Variants in HS1BP3 observed in about 807,000 individuals in gnomAD.
HS1BP3 encodes HCLS1 binding protein 3, also known as HCLS1-binding protein 3.
A neutral mutation model predicts 33.5 loss-of-function variants in HS1BP3; 32 were observed. The ratio of observed to expected loss-of-function variants is 0.95; its 90% CI spans 0.72 to 1.28. HS1BP3 has a LOEUF of 1.28. Ranked by LOEUF, HS1BP3 falls within the 50% of genes most tolerant of loss-of-function variation. HS1BP3 has a pLI of 0.00. For missense variants in HS1BP3, 486 were observed against 502.3 expected, an observed-to-expected ratio of 0.97 and a Z score of 0.31; for synonymous variants, 187 against 209.2, an observed-to-expected ratio of 0.89 and a Z score of 0.92.
intron 5 of HS1BP3, among the ~76,000 whole-genome samples, chr2:20,576,029 C>T (rs533763628): frequency 1.3e-5 from 2 of 152,276 alleles, no homozygotes; most frequent in South Asian, 2.1e-4. Context: ...CTTGTTCTCT[C>T]CCAGGCTGGA....
At chr2:20,644,581 T>C (rs564122299) in intron 2 of HS1BP3, among the ~76,000 whole-genome samples, 3 of 152,344 alleles carry the variant, frequency 2.0e-5, no homozygotes, top group Non-Finnish European at 4.4e-5. Flanking sequence ...TCAGCAAATG[T>C]GGTGCATGTT....
At position 20,611,023 on chromosome 2, in the gene HS1BP3, T is replaced by C. The variant is rs1428858479; in HGVS notation, c.179-12758A>G. Among the ~76,000 whole-genome samples, 5 of 152,212 alleles carry C rather than the reference T, an allele frequency of 3.3e-5. No homozygotes were observed. The highest frequency in any genetic ancestry group is 2.0e-4 in the Admixed American group (3 of 15,284). ...CTTTCTGTCACTACAATTTTGCCTTTTCTAGGGTTTCATATATGTGGGATC... is the reference window on the plus strand; with the variant it reads ...CTTTCTGTCACTACAATTTTGCCTTCTCTAGGGTTTCATATATGTGGGATC... On this transcript the variant is annotated intron_variant, in intron 2 of 3. Transcript: ENST00000415264. This position sits in a 1 kb window ranked among gnomAD's most constrained non-coding sequence, Gnocchi z 4.9.
intron 2 of HS1BP3, among the ~76,000 whole-genome samples, chr2:20,609,447 T>C (rs1042709439): frequency 0.13 from 48 of 364 alleles, no homozygotes; most frequent in Non-Finnish European, 0.21. Flanking sequence ...TGAGGCCTGT[T>C]GTAGCTCAGC....
chr2:20,607,702 C>T (rs918874532), intron 2 of HS1BP3, among the ~76,000 whole-genome samples: 1 of 152,222 alleles, frequency 6.6e-6, no homozygotes, highest in Non-Finnish European at 1.5e-5. Context: ...CAACTTTGCT[C>T]TTCTTTTTGA....
In HS1BP3 at chr2:20,576,766, C is replaced by T. The variant is rs1432650824; in HGVS notation, c.303-16251G>A. On this transcript the variant is annotated intron_variant, in intron 5 of 5. Transcript: ENST00000446825. ...TGGAAGTTGACCTGTCACACTGAGT[C>T]TACACTATTTCTTGGGTCTTGCCTG... Among the ~76,000 whole-genome samples the T allele has an allele frequency of 2.0e-5, 3 of 152,352 alleles. No individual in the cohort carries two copies. The East Asian group carries it at 5.8e-4, about 29-fold the overall frequency.
chr2:20,586,469 G>A lies in HS1BP3; in HGVS notation c.303-25954C>T, dbSNP rs1372342631. ...AAGCAAGCGCATTCCAGATGTTCCC[G>A]GGAAAATGGTATTTGGGAAAAGGAT... is the stretch of plus-strand genomic sequence containing the variant. On this transcript the variant is annotated intron_variant, in intron 5 of 5. Coordinates refer to the HS1BP3 transcript ENST00000446825. The A allele has an allele frequency of 3.3e-5, 5 of 152,120 alleles. No homozygotes were observed. In the East Asian group the frequency reaches 7.7e-4, roughly 23 times the overall value. The allele number at this position is 152,120 out of a possible 1,614,324, so 9.4% of individuals were successfully genotyped here.
At chr2:20,600,692 G>GT (rs1479809956) in intron 2 of HS1BP3, among the ~76,000 whole-genome samples, 3 of 152,120 alleles carry the variant, frequency 2.0e-5, no homozygotes, top group Non-Finnish European at 4.4e-5. Flanking sequence ...CAACATTTTT[G>GT]TTTAAAAACT....
chr2:20,648,187 A>G (rs1311469379), intron 1 of HS1BP3, among the ~76,000 whole-genome samples: 2 of 152,136 alleles, frequency 1.3e-5, no homozygotes, highest in Non-Finnish European at 2.9e-5. Flanking sequence ...GCATGCAACC[A>G]TGCTCTGACC....
chr2:20,639,334 A>G (rs1695267700), intron 3 of HS1BP3, among the ~76,000 whole-genome samples: 1 of 152,244 alleles, frequency 6.6e-6, no homozygotes, highest in South Asian at 2.1e-4. Context: ...ACTTCATAGC[A>G]TGCTGCCATC....
chr2:20,599,129 T>C (rs1054425359), intron 2 of HS1BP3, among the ~76,000 whole-genome samples: 2 of 152,180 alleles, frequency 1.3e-5, no homozygotes, highest in Admixed American at 1.3e-4. Flanking sequence ...GGTGGAAACG[T>C]GTCTATTCTT....
intron 4 of HS1BP3, among the ~76,000 whole-genome samples, chr2:20,633,017 T>A (rs1309908971): frequency 6.6e-6 from 1 of 152,264 alleles, no homozygotes; most frequent in Non-Finnish European, 1.5e-5. Context: ...ACAAAGGAAC[T>A]TTCCTGTAGT....
downstream of HS1BP3, among the ~76,000 whole-genome samples, chr2:20,615,922 A>G (rs1167391948): frequency 1.3e-5 from 2 of 152,172 alleles, no homozygotes; most frequent in Non-Finnish European, 2.9e-5. Flanking sequence ...AGTACTCAAC[A>G]GGTAGGTGCT....
downstream of HS1BP3, among the ~76,000 whole-genome samples, chr2:20,614,649 G>A (rs1441684400): frequency 6.6e-6 from 1 of 152,242 alleles, no homozygotes; most frequent in Non-Finnish European, 1.5e-5. Context: ...AGCTCTGCAT[G>A]TGGGAAAACA....
Position 20,618,678 on chromosome 2 carries a change from A to C in HS1BP3, c.*309T>G. 8.3e-7 allele frequency: 1 copy of C among 1,208,570 alleles called. No homozygotes were observed. Among genetic ancestry groups the C allele is most frequent in the South Asian group, 2.8e-5 (1 of 35,774 alleles). The allele number at this position is 1,208,570 out of a possible 1,614,324, so 74.9% of individuals were successfully genotyped here. The stretch of plus-strand genomic sequence containing the variant: ...GCTACGGCCCCACATGTCTTGCTTC[A>C]TCCTTGGGGCTGGGCTTCTGGTTGG... On this transcript the variant is annotated 3_prime_UTR_variant, in exon 7 of 7. Transcript: ENST00000304031.
intron 1 of HS1BP3, among the ~76,000 whole-genome samples, chr2:20,647,484 A>G (rs1388324150): frequency 1.3e-5 from 2 of 152,172 alleles, no homozygotes; most frequent in Non-Finnish European, 2.9e-5. Context: ...TGGCAACCCT[A>G]CCTTGCCCTA....
intron 2 of HS1BP3, among the ~76,000 whole-genome samples, chr2:20,612,358 A>T (rs1387693775): frequency 1.3e-5 from 2 of 152,238 alleles, no homozygotes; most frequent in Non-Finnish European, 2.9e-5. Context: ...CACCCATTTT[A>T]AGTGTACAAT....
downstream of HS1BP3, among the ~76,000 whole-genome samples, chr2:20,555,908 CT>C (rs2149267538): frequency 6.6e-6 from 1 of 152,334 alleles, no homozygotes; most frequent in East Asian, 1.9e-4. Flanking sequence ...GCATACATAC[CT>C]GACCACCCAT....
At chr2:20,638,237 C>G (rs1695214494) in intron 4 of HS1BP3, 199 bp downstream of exon 4, 1 of 609,228 alleles carries the variant, frequency 1.6e-6, no homozygotes, top group African/African-American at 1.9e-5. Context: ...TAAGCCCAGT[C>G]CCAGAGACAT....
intron 5 of HS1BP3, among the ~76,000 whole-genome samples, chr2:20,573,159 T>G (rs10200606): frequency 6.6e-6 from 1 of 152,072 alleles, no homozygotes; most frequent in Non-Finnish European, 1.5e-5. Context: ...CAGTCTTTGC[T>G]GATATAATTA....
Sources: allele counts gnomAD v4.1 joint callset (sites outside exome capture counted in the v4.1 genomes callset), GRCh38; gene constraint gnomAD v4.1.1; non-coding constraint Gnocchi (gnomAD v3.1); transcripts MANE v1.5; gene names NCBI Gene and HGNC (gene_info 2026-07-23, HGNC 2026-07-21).